The following ATP1B3 variants were observed in gnomAD, a reference collection of about 807,000 sequenced individuals.
ATP1B3 encodes sodium/potassium-transporting ATPase subunit beta-3.
Under a neutral mutation model 30.2 loss-of-function variants are expected in ATP1B3, and 10 were observed. That is an observed-to-expected ratio of 0.33 (90% CI 0.20 to 0.56). ATP1B3 has a LOEUF of 0.56. ATP1B3 is among the 20% of genes least tolerant of loss of function. The pLI, the probability that ATP1B3 is intolerant of heterozygous loss-of-function variation, is 0.90. For synonymous variants in ATP1B3, 113 were observed against 117.0 expected (o/e 0.97, Z 0.22); for missense variants, 238 against 336.7 (o/e 0.71, Z 2.29).
chr3:141,924,181 TAA>T (rs1934614004), intron 6 of ATP1B3, among the ~76,000 whole-genome samples: 1 of 150,852 alleles, frequency 6.6e-6, no homozygotes, highest in Non-Finnish European at 1.5e-5. Context: ...CTGTCTCTAC[TAA>T]AAATACAAAA....
chr3:141,914,230 C>T (rs1283813557), intron 4 of ATP1B3, among the ~76,000 whole-genome samples: 1 of 152,080 alleles, frequency 6.6e-6, no homozygotes, highest in East Asian at 1.9e-4. Context: ...TCCACAGACT[C>T]CATAAAGTTT....
intron 4 of ATP1B3, among the ~76,000 whole-genome samples, chr3:141,915,315 C>T (rs763579243): frequency 2.0e-5 from 3 of 152,178 alleles, no homozygotes; most frequent in African/African-American, 4.8e-5. Context: ...CCAGTTAGGA[C>T]GCAACAATAC....
chr3:141,913,895 A>G, intron 4 of ATP1B3, 59 bp downstream of exon 4: 1 of 1,467,078 alleles, frequency 6.8e-7, no homozygotes, highest in South Asian at 1.4e-5. Context: ...TTAAGGAGGC[A>G]ACTATTTTTA....
chr3:141,923,197 C>T lies in ATP1B3; in HGVS notation c.669+1134C>T, dbSNP rs1213912737. 2.0e-5 allele frequency among the ~76,000 whole-genome samples: 3 copies of T among 150,242 alleles called. No homozygotes were observed. In the East Asian group the frequency reaches 5.9e-4, roughly 30 times the overall value. Reference sequence around the variant, plus strand: ...GGAGACTGAGGCAGGAGAATCGCTTCAACCTGGGAGGCAGAGATTGCAGTG... The same window carrying T: ...GGAGACTGAGGCAGGAGAATCGCTTTAACCTGGGAGGCAGAGATTGCAGTG... On this transcript the variant is annotated intron_variant, in intron 6 of 6. Transcript: ENST00000286371.
At chr3:141,885,063 C>T (rs78096832) in intron 1 of ATP1B3, among the ~76,000 whole-genome samples, 3,258 of 152,106 alleles carry the variant, frequency 0.021, 114 homozygotes, top group African/African-American at 0.072. Flanking sequence ...GTAAATAGCT[C>T]GTTTCCCTTC....
chr3:141,917,837 G>A (rs180716666), intron 5 of ATP1B3, among the ~76,000 whole-genome samples: 8,018 of 149,994 alleles, frequency 0.053, 297 homozygotes, highest in Middle Eastern at 0.089. Context: ...GCATGATCTC[G>A]GCTCACTGCA....
intron 1 of ATP1B3, among the ~76,000 whole-genome samples, 164 bp downstream of exon 1, chr3:141,877,074 TC>T (rs1222487873): frequency 2.7e-5 from 4 of 150,256 alleles, no homozygotes; most frequent in Non-Finnish European, 4.4e-5. Flanking sequence ...CATTCATTGC[TC>T]CCCGGGCCGG....
chr3:141,916,668 A>C, intron 5 of ATP1B3: 1 of 919,410 alleles, frequency 1.1e-6, no homozygotes, highest in Admixed American at 3.0e-5. Flanking sequence ...TATTTTACTT[A>C]GAATGTTACA....
chr3:141,890,806 G>C (rs1933937410), intron 1 of ATP1B3, among the ~76,000 whole-genome samples: 2 of 150,968 alleles, frequency 1.3e-5, no homozygotes, highest in South Asian at 4.2e-4. Flanking sequence ...CTCCTGAGCT[G>C]AAGCGATCTG....
intron 1 of ATP1B3, among the ~76,000 whole-genome samples, chr3:141,892,563 C>T (rs1179786200): frequency 7.1e-6 from 1 of 140,446 alleles, no homozygotes; most frequent in Non-Finnish European, 1.5e-5. Context: ...GAGACTGAGG[C>T]ACAAATATTG....
chr3:141,920,005 C>T (rs996415452), intron 5 of ATP1B3, among the ~76,000 whole-genome samples: 1 of 152,038 alleles, frequency 6.6e-6, no homozygotes, highest in Admixed American at 6.6e-5. Flanking sequence ...CCCTGAGTAC[C>T]TCATTATTAT....
At chr3:141,906,346 A>T (rs1297442252) in intron 2 of ATP1B3, among the ~76,000 whole-genome samples, 9 of 151,990 alleles carry the variant, frequency 5.9e-5, no homozygotes, top group Non-Finnish European at 2.9e-5. Flanking sequence ...CACCCACCTA[A>T]TTTTTGTATT....
rs144037516 is a variant in ATP1B3, at chr3:141,876,870, G to C, written c.69G>C (p.Pro23=). Residue 23 remains proline, a synonymous_variant, in exon 1 of 7, where the codon CCG becomes CCC. Transcript: ENST00000286371. ...LAEWKLFIYN[P]TTGEFLGRTA... ...AGTGGAAGCTCTTCATCTACAACCC[G>C]ACCACCGGAGAATTCCTGGGGCGCA... 1 of 1,582,068 alleles carries C rather than the reference G, an allele frequency of 6.3e-7. No individual in the cohort carries two copies. Among genetic ancestry groups the C allele is most frequent in the Admixed American group, 1.7e-5 (1 of 57,570 alleles).
intron 1 of ATP1B3, among the ~76,000 whole-genome samples, chr3:141,884,765 C>G (rs1577956375): frequency 6.6e-6 from 1 of 152,206 alleles, no homozygotes; most frequent in Non-Finnish European, 1.5e-5. Flanking sequence ...GACTGGCTCT[C>G]CTTGTTCCTC....
At chr3:141,902,121 C>T in intron 1 of ATP1B3, 1 of 1,289,202 alleles carries the variant, frequency 7.8e-7, no homozygotes, top group Non-Finnish European at 1.0e-6. Context: ...TTGGTCTTTT[C>T]TTTTTCTGCA....
intron 3 of ATP1B3, among the ~76,000 whole-genome samples, chr3:141,910,890 C>A (rs887219511): frequency 6.6e-6 from 1 of 151,364 alleles, no homozygotes; most frequent in South Asian, 2.1e-4. Context: ...TAAATTTGAA[C>A]CCTTTTATTT....
intron 1 of ATP1B3, among the ~76,000 whole-genome samples, chr3:141,881,427 C>A (rs1028370530): frequency 6.6e-6 from 1 of 152,156 alleles, no homozygotes; most frequent in African/African-American, 2.4e-5. Context: ...TGTGCCTTTT[C>A]TTTTACTATA....
intron 1 of ATP1B3, among the ~76,000 whole-genome samples, chr3:141,898,784 G>A (rs1179533927): frequency 6.6e-6 from 1 of 152,084 alleles, no homozygotes; most frequent in East Asian, 1.9e-4. Flanking sequence ...ACTTGTGCAT[G>A]AATGTTTATA....
At chr3:141,898,159 G>A in intron 1 of ATP1B3, among the ~76,000 whole-genome samples, 1 of 152,202 alleles carries the variant, frequency 6.6e-6, no homozygotes, top group Non-Finnish European at 1.5e-5. Context: ...ATTCTTAGAA[G>A]TAAACATAGA....
Sources: gnomAD v4.1 joint callset for allele counts (sites outside exome capture counted in the v4.1 genomes callset) on GRCh38, gnomAD v4.1.1 for gene constraint, MANE v1.5 for transcripts, NCBI Gene and HGNC (gene_info 2026-07-23, HGNC 2026-07-21) for gene names.